MYO16: variants seen among roughly 807,000 people sequenced by gnomAD.
The protein encoded by MYO16 is myosin XVI.
Under a neutral mutation model 205.3 loss-of-function variants are expected in MYO16, and 94 were observed. The ratio of observed to expected loss-of-function variants is 0.46; its 90% CI spans 0.39 to 0.54. The LOEUF (loss-of-function observed/expected upper bound fraction) is 0.54, where lower values mean the gene tolerates loss of function less well. MYO16 is among the 20% of genes least tolerant of loss of function. MYO16 has a pLI of 0.00. For missense variants in MYO16, 2,315 were observed against 2,387.5 expected, an observed-to-expected ratio of 0.97 and a Z score of 0.63; for synonymous variants, 988 against 954.0, an observed-to-expected ratio of 1.04 and a Z score of -0.66.
In MYO16 at chr13:108,779,360, A is replaced by G. The variant is rs546902213; in HGVS notation, c.508-6275A>G. The stretch of plus-strand genomic sequence containing the variant: ...ACTACTAACTAGTAAAAAAACAAAC[A>G]AAACTATTTAATGTGATCAAGATAA... On this transcript the variant is annotated intron_variant, in intron 4 of 34. Coordinates refer to ENST00000457511, the MANE Select transcript of MYO16 (RefSeq NM_001198950.3). Among the ~76,000 whole-genome samples the G allele has an allele frequency of 4.6e-5, 7 of 152,360 alleles. No individual in the cohort carries two copies. The South Asian group carries it at 1.2e-3, about 27-fold the overall frequency.
At chr13:108,735,130 T>C (rs533563227) in intron 4 of MYO16, among the ~76,000 whole-genome samples, 1 of 152,180 alleles carries the variant, frequency 6.6e-6, no homozygotes, top group Non-Finnish European at 1.5e-5. Flanking sequence ...TTTTTTATTA[T>C]ACTTTAAGTT....
intron 28 of MYO16, among the ~76,000 whole-genome samples, chr13:109,102,968 G>A (rs1315076571): frequency 2.0e-5 from 3 of 152,134 alleles, no homozygotes; most frequent in Admixed American, 6.5e-5. Context: ...CATTCACTGA[G>A]TATATTTGCT....
intron 2 of MYO16, among the ~76,000 whole-genome samples, chr13:108,695,813 C>A (rs1033751604): frequency 6.6e-6 from 1 of 152,040 alleles, no homozygotes; most frequent in Admixed American, 6.6e-5. Context: ...CATCATATAA[C>A]CACCACTGAG....
chr13:109,115,485 A>G (rs1418131179), intron 28 of MYO16, among the ~76,000 whole-genome samples: 2 of 152,214 alleles, frequency 1.3e-5, no homozygotes, highest in African/African-American at 4.8e-5. Context: ...CTAGCAGTGC[A>G]CAGGGAGAGG....
chr13:108,535,613 T>A, the MYO16 span, among the ~76,000 whole-genome samples: 1 of 152,198 alleles, frequency 6.6e-6, no homozygotes, highest in African/African-American at 2.4e-5. Flanking sequence ...TGTTAGGGAA[T>A]CTGTGGAAAA....
At chr13:108,808,560 G>A (rs1320009145) in intron 7 of MYO16, among the ~76,000 whole-genome samples, 2 of 151,822 alleles carry the variant, frequency 1.3e-5, no homozygotes, top group Non-Finnish European at 2.9e-5. Flanking sequence ...TGATCCACCT[G>A]CCTCACCCTC....
intron 27 of MYO16, chr13:109,065,516 A>G (rs1594514972): frequency 2.3e-6 from 1 of 429,670 alleles, no homozygotes; most frequent in East Asian, 6.7e-5. Context: ...GGGTAATAGG[A>G]GGCCATGCTG....
intron 1 of MYO16, among the ~76,000 whole-genome samples, chr13:108,649,798 A>G (rs1358616077): frequency 6.6e-6 from 1 of 152,236 alleles, no homozygotes; most frequent in Non-Finnish European, 1.5e-5. Flanking sequence ...TATGTTGGAC[A>G]CAGAGAAACT....
intron 20 of MYO16, among the ~76,000 whole-genome samples, chr13:108,984,419 C>G (rs984681091): frequency 1.3e-5 from 2 of 152,216 alleles, no homozygotes; most frequent in African/African-American, 4.8e-5. Flanking sequence ...CATCCGCATA[C>G]ATTTGCCGTG....
chr13:108,563,383 G>T, the MYO16 span, among the ~76,000 whole-genome samples: 2 of 151,836 alleles, frequency 1.3e-5, no homozygotes, highest in African/African-American at 4.8e-5. Flanking sequence ...AATTATTATT[G>T]ACTGTAGTCC....
the MYO16 span, among the ~76,000 whole-genome samples, chr13:108,582,457 G>T: frequency 6.6e-6 from 1 of 152,182 alleles, no homozygotes; most frequent in Non-Finnish European, 1.5e-5. Flanking sequence ...GACCAAGAGT[G>T]GCAGGTGGCA....
the MYO16 span, among the ~76,000 whole-genome samples, chr13:108,516,973 C>G: frequency 6.6e-6 from 1 of 151,572 alleles, no homozygotes; most frequent in African/African-American, 2.4e-5. Flanking sequence ...CTCTGTTTCC[C>G]AGGCTGTAGT....
chr13:109,171,678 C>T (rs1245317543), intron 33 of MYO16, among the ~76,000 whole-genome samples: 2 of 152,014 alleles, frequency 1.3e-5, no homozygotes, highest in African/African-American at 4.8e-5. Context: ...AACATTTTAG[C>T]TTTATCAAAC....
intron 4 of MYO16, among the ~76,000 whole-genome samples, chr13:108,773,061 C>T (rs1886019234): frequency 1.3e-5 from 2 of 152,274 alleles, no homozygotes; most frequent in Middle Eastern, 3.4e-3. Context: ...TCATAGTTGG[C>T]TATCTTCGTA....
At chr13:108,642,364 A>G (rs1336548809) in intron 1 of MYO16, among the ~76,000 whole-genome samples, 1 of 152,186 alleles carries the variant, frequency 6.6e-6, no homozygotes, top group African/African-American at 2.4e-5. Context: ...TGCACCATGC[A>G]GATTGAGAGA....
the MYO16 span, among the ~76,000 whole-genome samples, chr13:108,541,200 AAATTG>A: frequency 6.6e-6 from 1 of 151,920 alleles, no homozygotes; most frequent in African/African-American, 2.4e-5. Flanking sequence ...CAATATGGGG[AAATTG>A]AAGTAAAAAT....
At chr13:109,180,508 T>C (rs1452443587) in intron 34 of MYO16, among the ~76,000 whole-genome samples, 1 of 152,234 alleles carries the variant, frequency 6.6e-6, no homozygotes, top group African/African-American at 2.4e-5. Flanking sequence ...GTCAAACATC[T>C]ACATAAAAGT....
At chr13:108,968,397 G>A (rs1414011781) in intron 20 of MYO16, among the ~76,000 whole-genome samples, 1 of 152,150 alleles carries the variant, frequency 6.6e-6, no homozygotes. Flanking sequence ...ATCACCTGAG[G>A]TCAGAAATTC....
intron 2 of MYO16, among the ~76,000 whole-genome samples, chr13:108,699,427 A>G (rs1370917502): frequency 6.6e-6 from 1 of 152,064 alleles, no homozygotes; most frequent in Non-Finnish European, 1.5e-5. Flanking sequence ...GAAACTGTTT[A>G]TTTCTAAAAT....
Sources: gnomAD v4.1 joint callset for allele counts (sites outside exome capture counted in the v4.1 genomes callset) on GRCh38, gnomAD v4.1.1 for gene constraint, MANE v1.5 for transcripts, NCBI Gene and HGNC (gene_info 2026-07-23, HGNC 2026-07-21) for gene names.